The following CEP112 variants were observed in gnomAD, a reference collection of about 807,000 sequenced individuals.
CEP112 encodes the protein centrosomal protein 112, also known as centrosomal protein of 112 kDa.
CEP112 carries 127 observed loss-of-function variants against 153.0 expected under a neutral mutation model. That is an observed-to-expected ratio of 0.83 (90% CI 0.72 to 0.96). The LOEUF is 0.96. Among genes scored for constraint, CEP112 ranks in the 40% least tolerant of loss-of-function variants. The pLI is 0.00. For missense variants in CEP112, 1,089 were observed against 1,101.2 expected (o/e 0.99, Z 0.16); for synonymous variants, 358 against 374.4 (o/e 0.96, Z 0.51).
At chr17:66,066,222 G>A (rs2067112958) in intron 10 of CEP112, among the ~76,000 whole-genome samples, 1 of 152,118 alleles carries the variant, frequency 6.6e-6, no homozygotes. Context: ...CTTTCCATCT[G>A]TCCATAGTCA....
At chr17:65,742,713 GCTGACTT>G (rs1432592611) in intron 23 of CEP112, among the ~76,000 whole-genome samples, 1 of 151,916 alleles carries the variant, frequency 6.6e-6, no homozygotes, top group Admixed American at 6.5e-5. Context: ...CAAATTGGAA[GCTGACTT>G]CTGACTTTAA....
At chr17:66,188,728 G>GT (rs1244625272) in intron 1 of CEP112, among the ~76,000 whole-genome samples, 2 of 104,512 alleles carry the variant, frequency 1.9e-5, no homozygotes, top group African/African-American at 6.6e-5. Flanking sequence ...TTTTTGTTTG[G>GT]TTGGTTTTGT....
intron 24 of CEP112, among the ~76,000 whole-genome samples, chr17:65,644,095 T>C (rs1024329945): frequency 1.3e-5 from 2 of 152,190 alleles, no homozygotes; most frequent in African/African-American, 4.8e-5. Context: ...CACAGCACCA[T>C]GAACAGTCTC....
chr17:65,911,355 A>G (rs1175208228), intron 19 of CEP112, among the ~76,000 whole-genome samples: 3 of 152,230 alleles, frequency 2.0e-5, no homozygotes, highest in African/African-American at 4.8e-5. Context: ...ATAGACTGGT[A>G]TAAGTAGGTG....
chr17:65,688,669 T>A (rs2047937666), intron 24 of CEP112: 1 of 156,896 alleles, frequency 6.4e-6, no homozygotes, highest in African/African-American at 2.4e-5. Context: ...GACTTCTTGT[T>A]CTGTGAGGTA....
At chr17:66,153,806 G>A (rs1802377460) in intron 4 of CEP112, among the ~76,000 whole-genome samples, 2 of 151,950 alleles carry the variant, frequency 1.3e-5, no homozygotes, top group African/African-American at 4.8e-5. Flanking sequence ...TAGATAAACA[G>A]GCCAATGAAA....
At chr17:65,949,592 C>T (rs2061753800) in intron 18 of CEP112, among the ~76,000 whole-genome samples, 1 of 152,062 alleles carries the variant, frequency 6.6e-6, no homozygotes, top group African/African-American at 2.4e-5. Flanking sequence ...CAATGTAATA[C>T]CAAGAAGACA....
At chr17:66,154,200 C>T (rs1446631850) in intron 4 of CEP112, among the ~76,000 whole-genome samples, 2 of 150,190 alleles carry the variant, frequency 1.3e-5, no homozygotes, top group African/African-American at 2.4e-5. Context: ...GGGCCAACTA[C>T]AGCAGTGTGA....
intron 24 of CEP112, among the ~76,000 whole-genome samples, chr17:65,672,854 T>C (rs2047052446): frequency 6.6e-6 from 1 of 152,164 alleles, no homozygotes; most frequent in African/African-American, 2.4e-5. Flanking sequence ...TTCCAAAAAA[T>C]GGGAGAAATA....
intron 12 of CEP112, among the ~76,000 whole-genome samples, chr17:66,051,078 C>G (rs9907729): frequency 0.57 from 86,227 of 151,522 alleles, 25,699 homozygotes; most frequent in African/African-American, 0.67. Context: ...CTAATGGGCT[C>G]AAGTAATCCT....
rs1406337537 is a variant in CEP112 at position 65,642,601 on chromosome 17, C to A, written c.2698-1536G>T. 4.6e-5 allele frequency among the ~76,000 whole-genome samples: 7 copies of A among 152,168 alleles called. No individual in the cohort carries two copies. The East Asian group carries it at 1.3e-3, about 29-fold the overall frequency. On this transcript the variant is annotated intron_variant, in intron 24 of 26. Transcript: ENST00000535342. ...TAAAACATGATCTCTCCCACAGATG[C>A]AAAGTCTTTGCTGATGAAATATCTG...
In CEP112 at chr17:65,714,682, A is replaced by G. The variant is rs9908793; in HGVS notation, c.2608-25464T>C. Among the ~76,000 whole-genome samples, 883 of 152,284 alleles carry G rather than the reference A, an allele frequency of 5.8e-3. 6 individuals carry two copies. Among genetic ancestry groups the G allele is most frequent in the African/African-American group, 0.021 (859 of 41,558 alleles). ...TTGGAAACCCATTCAACTACTCACA[A>G]CAGTATTGTATTATTATTTGGAATT... On this transcript the variant is annotated intron_variant, in intron 23 of 26. Coordinates refer to ENST00000535342, the MANE Select transcript of CEP112 (RefSeq NM_001199165.4).
intron 18 of CEP112, among the ~76,000 whole-genome samples, chr17:65,946,077 T>C (rs1484689780): frequency 6.6e-6 from 1 of 152,234 alleles, no homozygotes; most frequent in African/African-American, 2.4e-5. Flanking sequence ...CTATTCTGGA[T>C]ATGAGTCTTT....
chr17:65,727,716 ATAG>A (rs1260775533), intron 23 of CEP112, among the ~76,000 whole-genome samples: 1 of 152,216 alleles, frequency 6.6e-6, no homozygotes, highest in Non-Finnish European at 1.5e-5. Flanking sequence ...TGACTCTGAA[ATAG>A]TAGTGCATCT....
intron 16 of CEP112, among the ~76,000 whole-genome samples, chr17:66,019,159 A>G (rs2064892838): frequency 6.6e-6 from 1 of 152,192 alleles, no homozygotes; most frequent in Non-Finnish European, 1.5e-5. Context: ...TTTACCTCAA[A>G]GACAAGTTAG....
intron 24 of CEP112, among the ~76,000 whole-genome samples, chr17:65,660,414 C>T (rs2046314556): frequency 1.7e-5 from 2 of 116,486 alleles, no homozygotes; most frequent in African/African-American, 3.3e-5. Flanking sequence ...TTTCTCCCTC[C>T]CACCCTCCCT....
In CEP112 at chr17:66,146,153, C is replaced by T. The variant is rs150447059; in HGVS notation, c.471-13390G>A. On this transcript the variant is annotated intron_variant, in intron 4 of 26. Transcript: ENST00000535342. ...AAAATGACTTGGGAAGCATTCCCTC[C>T]TTCTCTATTTCATGTAGGAAAAAAA... 5.4e-3 allele frequency among the ~76,000 whole-genome samples: 827 copies of T among 152,000 alleles called. 11 individuals are homozygous for T. The highest frequency in any genetic ancestry group is 5.5e-3 in the Non-Finnish European group (373 of 67,918).
intron 21 of CEP112, among the ~76,000 whole-genome samples, chr17:65,835,609 C>G (rs2057276974): frequency 6.6e-6 from 1 of 152,072 alleles, no homozygotes; most frequent in South Asian, 2.1e-4. Context: ...GAATACATAC[C>G]CAACTTCACT....
At position 65,692,456 on chromosome 17, in the gene CEP112, T is replaced by C. The variant is rs571712506; in HGVS notation, c.2608-3238A>G. Among the ~76,000 whole-genome samples, 12 of 152,272 alleles carry C rather than the reference T, an allele frequency of 7.9e-5. No individual in the cohort carries two copies. The East Asian group carries it at 2.1e-3, about 27-fold the overall frequency. On this transcript the variant is annotated intron_variant, in intron 23 of 26. Coordinates refer to ENST00000535342, the MANE Select transcript of CEP112 (RefSeq NM_001199165.4). ...GTTAGCCAGGATGGTCTCGATCTCC[T>C]GTCCTTGTGATCCACCCATCTCAGC...
Sources: gnomAD v4.1 joint callset for allele counts (sites outside exome capture counted in the v4.1 genomes callset) on GRCh38, gnomAD v4.1.1 for gene constraint, MANE v1.5 for transcripts, NCBI Gene and HGNC (gene_info 2026-07-23, HGNC 2026-07-21) for gene names.